Variants in KCNMB2 observed in about 807,000 individuals in gnomAD.
KCNMB2 encodes potassium calcium-activated channel subfamily M regulatory beta subunit 2.
In KCNMB2, 9 loss-of-function variants were observed where a neutral mutation model predicts 24.5. The ratio of observed to expected loss-of-function variants is 0.37; its 90% CI spans 0.22 to 0.64. The LOEUF (loss-of-function observed/expected upper bound fraction) is 0.64, where lower values mean the gene tolerates loss of function less well. Among genes scored for constraint, KCNMB2 ranks in the 30% least tolerant of loss-of-function variants. The pLI, the probability that KCNMB2 is intolerant of heterozygous loss-of-function variation, is 0.63. For synonymous variants in KCNMB2, 109 were observed against 104.4 expected (o/e 1.04, Z -0.27); for missense variants, 226 against 284.3 (o/e 0.79, Z 1.47).
At chr3:178,564,148 T>A (rs916981261) in intron 1 of KCNMB2, among the ~76,000 whole-genome samples, 2 of 151,942 alleles carry the variant, frequency 1.3e-5, no homozygotes. Flanking sequence ...TGTGGTGGCA[T>A]GCACCTATCA....
At chr3:178,715,846 C>G (rs1458908404) in intron 1 of KCNMB2, among the ~76,000 whole-genome samples, 2 of 152,114 alleles carry the variant, frequency 1.3e-5, no homozygotes, top group Non-Finnish European at 2.9e-5. Context: ...CTAAACCAAC[C>G]TGACCAGGAG....
chr3:178,711,049 C>T (rs1326977833), intron 1 of KCNMB2, among the ~76,000 whole-genome samples: 1 of 152,082 alleles, frequency 6.6e-6, no homozygotes, highest in Admixed American at 6.6e-5. Context: ...CTATACCTAT[C>T]CGTTTATATA....
At chr3:178,568,757 ATGAT>A (rs1340890883) in intron 1 of KCNMB2, among the ~76,000 whole-genome samples, 1 of 148,390 alleles carries the variant, frequency 6.7e-6, no homozygotes, top group Non-Finnish European at 1.5e-5. Flanking sequence ...AGATAGATAG[ATGAT>A]AGATAGATAG....
At chr3:178,743,930 A>C (rs1723577239) in intron 1 of KCNMB2, among the ~76,000 whole-genome samples, 1 of 152,230 alleles carries the variant, frequency 6.6e-6, no homozygotes, top group Non-Finnish European at 1.5e-5. Context: ...ATTGGACAGA[A>C]TTAAAGCATC....
At chr3:178,649,974 G>T (rs554475965) in intron 1 of KCNMB2, among the ~76,000 whole-genome samples, 2 of 152,114 alleles carry the variant, frequency 1.3e-5, no homozygotes, top group Non-Finnish European at 2.9e-5. Context: ...TCTCCTGTGG[G>T]CATTTAGCGC....
At chr3:178,763,811 T>A (rs1712010373) in intron 1 of KCNMB2, among the ~76,000 whole-genome samples, 1 of 152,200 alleles carries the variant, frequency 6.6e-6, no homozygotes, top group Admixed American at 6.5e-5. Flanking sequence ...ATGTTATACT[T>A]CTGTCATTTA....
At chr3:178,822,267 T>C (rs898544225) in intron 2 of KCNMB2, among the ~76,000 whole-genome samples, 2 of 152,224 alleles carry the variant, frequency 1.3e-5, no homozygotes, top group South Asian at 4.1e-4. Flanking sequence ...TTTGTCTCAT[T>C]TGGTTAACTC....
intron 1 of KCNMB2, among the ~76,000 whole-genome samples, chr3:178,721,000 T>G (rs1722785704): frequency 1.3e-5 from 2 of 151,694 alleles, no homozygotes; most frequent in Admixed American, 6.6e-5. Context: ...TTGTCAATTT[T>G]GGCTTTTGTT....
In KCNMB2 at chr3:178,758,657, T is replaced by TATATATCTCCAAGAGGATATATATA. The variant is rs1711501297; in HGVS notation, c.-67-48684_-67-48683insATATCTCCAAGAGGATATATATAAT. ...CTCTCTCTCCAAGAGGATATATATA[T>TATATATCTCCAAGAGGATATATATA]ATCTCTCTCCAAGAGGATATATATA... is the stretch of plus-strand genomic sequence containing the variant. On this transcript the variant is annotated intron_variant, in intron 1 of 4. Transcript: ENST00000452583. Among the ~76,000 whole-genome samples the TATATATCTCCAAGAGGATATATATA allele has an allele frequency of 4.9e-5, 4 of 81,370 alleles. 1 individual carries two copies. Among genetic ancestry groups the TATATATCTCCAAGAGGATATATATA allele is most frequent in the African/African-American group, 1.7e-4 (4 of 23,672 alleles). The allele number at this position is 81,370 out of a possible 152,430, so 53.4% of individuals were successfully genotyped here.
chr3:178,759,634 A>AG (rs1442514173), intron 1 of KCNMB2, among the ~76,000 whole-genome samples: 3 of 114,886 alleles, frequency 2.6e-5, no homozygotes, highest in East Asian at 4.9e-4. Context: ...TCTCTCCAAG[A>AG]GGATATATAT....
intron 1 of KCNMB2, among the ~76,000 whole-genome samples, chr3:178,727,964 C>T (rs1460441155): frequency 6.6e-6 from 1 of 152,212 alleles, no homozygotes; most frequent in Non-Finnish European, 1.5e-5. Flanking sequence ...ATAGCACTTA[C>T]CATACAGTCA....
intron 1 of KCNMB2, among the ~76,000 whole-genome samples, chr3:178,610,394 T>G (rs1416651402): frequency 2.6e-5 from 4 of 152,216 alleles, no homozygotes; most frequent in Admixed American, 6.5e-5. Context: ...ACATGAAATA[T>G]TTTTCCATTT....
At chr3:178,635,846 C>A (rs1249212397) in intron 1 of KCNMB2, among the ~76,000 whole-genome samples, 1 of 152,104 alleles carries the variant, frequency 6.6e-6, no homozygotes, top group African/African-American at 2.4e-5. Flanking sequence ...AATAATTATA[C>A]AAATTCAATA....
intron 1 of KCNMB2, among the ~76,000 whole-genome samples, chr3:178,549,319 T>C (rs1430534812): frequency 6.7e-6 from 1 of 149,628 alleles, no homozygotes; most frequent in Non-Finnish European, 1.5e-5. Flanking sequence ...CTTTTTTTTT[T>C]TTTTTTCTTG....
intron 1 of KCNMB2, among the ~76,000 whole-genome samples, chr3:178,608,440 G>A (rs1350370951): frequency 1.3e-5 from 2 of 152,164 alleles, no homozygotes; most frequent in South Asian, 2.1e-4. Context: ...TTGAGTACAT[G>A]AGATGTTTTG....
At chr3:178,750,396 A>G (rs2108387974) in intron 1 of KCNMB2, among the ~76,000 whole-genome samples, 1 of 152,256 alleles carries the variant, frequency 6.6e-6, no homozygotes, top group East Asian at 1.9e-4. Flanking sequence ...AAAAAACAAA[A>G]ACAAAAACAA....
At chr3:178,589,291 G>A (rs1349602506) in intron 1 of KCNMB2, among the ~76,000 whole-genome samples, 1 of 152,132 alleles carries the variant, frequency 6.6e-6, no homozygotes, top group Non-Finnish European at 1.5e-5. Context: ...AATTTTGTTA[G>A]CACGTTTGGT....
chr3:178,612,377 C>T (rs952323246), intron 1 of KCNMB2, among the ~76,000 whole-genome samples: 2 of 152,066 alleles, frequency 1.3e-5, no homozygotes, highest in African/African-American at 2.4e-5. Flanking sequence ...ATATTGGGGC[C>T]TATTTCTCTT....
Position 178,764,708 on chromosome 3 carries a change from A to T in KCNMB2, c.-67-42635A>T, listed in dbSNP as rs2108415088. 2.6e-5 allele frequency among the ~76,000 whole-genome samples: 4 copies of T among 152,314 alleles called. 1 individual carries two copies. The highest frequency in any genetic ancestry group is 6.8e-3 in the Middle Eastern group (2 of 292). On this transcript the variant is annotated intron_variant, in intron 1 of 4. Transcript: ENST00000452583. ...ACTAATGCCCAGTGCAGATCCTGTT[A>T]AGACTGGTGTGATTGCAAGAACAAT...
Sources: allele counts gnomAD v4.1 joint callset (sites outside exome capture counted in the v4.1 genomes callset), GRCh38; gene constraint gnomAD v4.1.1; transcripts MANE v1.5; gene names NCBI Gene and HGNC (gene_info 2026-07-23, HGNC 2026-07-21).